NMT2: variants seen among roughly 807,000 people sequenced by gnomAD.
The protein encoded by NMT2 is N-myristoyltransferase 2, also known as glycylpeptide N-tetradecanoyltransferase 2.
NMT2 carries 35 observed loss-of-function variants against 65.4 expected under a neutral mutation model. The observed-to-expected ratio is 0.54, with a 90% CI of 0.41 to 0.71. The LOEUF (loss-of-function observed/expected upper bound fraction) is 0.71, where lower values mean the gene tolerates loss of function less well. Among genes scored for constraint, NMT2 ranks in the 30% least tolerant of loss-of-function variants. The probability of loss-of-function intolerance (pLI) is 0.00; values close to 1 mark genes in which losing one functional copy is unlikely to be tolerated. For synonymous variants in NMT2, 226 were observed against 231.8 expected (o/e 0.98, Z 0.23); for missense variants, 489 against 611.3 (o/e 0.80, Z 2.11).
intron 6 of NMT2, among the ~76,000 whole-genome samples, chr10:15,131,111 C>T (rs1003255938): frequency 4.6e-5 from 7 of 152,086 alleles, no homozygotes; most frequent in African/African-American, 7.2e-5. Flanking sequence ...TTCTTTAACA[C>T]AATATTTAAC....
intron 1 of NMT2, among the ~76,000 whole-genome samples, chr10:15,153,658 A>T (rs12268648): frequency 0.023 from 3,499 of 148,946 alleles, 90 homozygotes; most frequent in East Asian, 0.074. Flanking sequence ...ATTTTATTTT[A>T]TTTTTTTTTT....
chr10:15,125,347 G>A (rs1846041419), intron 8 of NMT2, among the ~76,000 whole-genome samples: 1 of 152,184 alleles, frequency 6.6e-6, no homozygotes, highest in South Asian at 2.1e-4. Flanking sequence ...CATAATACAC[G>A]CCTATACCCA....
At chr10:15,162,585 C>G (rs992531475) in intron 1 of NMT2, among the ~76,000 whole-genome samples, 1 of 151,802 alleles carries the variant, frequency 6.6e-6, no homozygotes, top group African/African-American at 2.4e-5. Flanking sequence ...TAAGAGTCAG[C>G]GAAACATACA....
At chr10:15,116,370 T>C (rs1487920240) in intron 9 of NMT2, among the ~76,000 whole-genome samples, 5 of 152,064 alleles carry the variant, frequency 3.3e-5, no homozygotes, top group Admixed American at 1.3e-4. Context: ...AAAAAATACA[T>C]AGACGTGAAT....
intron 9 of NMT2, among the ~76,000 whole-genome samples, chr10:15,115,900 A>C (rs1393331716): frequency 6.6e-6 from 1 of 152,234 alleles, no homozygotes; most frequent in Admixed American, 6.5e-5. Context: ...CCTAATATAC[A>C]TGTGAGTATC....
chr10:15,125,315 G>T (rs1004945654), intron 8 of NMT2, among the ~76,000 whole-genome samples: 2 of 152,242 alleles, frequency 1.3e-5, no homozygotes, highest in Non-Finnish European at 2.9e-5. Context: ...TTCACTGGAA[G>T]TAAGATGCCA....
At chr10:15,128,177 TCCAAACAAAC>T (rs1425315655) in intron 8 of NMT2, among the ~76,000 whole-genome samples, 163 bp downstream of exon 8, 3 of 152,224 alleles carry the variant, frequency 2.0e-5, no homozygotes, top group Non-Finnish European at 4.4e-5. Context: ...GATTGGCATT[TCCAAACAAAC>T]TCCCTACCTT....
chr10:15,120,301 T>C lies in NMT2; in HGVS notation c.1000-788A>G, dbSNP rs555874910. ...GATGAAACCCTGTCTCTACGAAAAA[T>C]GTAAAACTTAGCCAGGCGTGGTGAC... On this transcript the variant is annotated intron_variant, in intron 8 of 11. Coordinates refer to ENST00000378165, the MANE Select transcript of NMT2 (RefSeq NM_004808.3). Among the ~76,000 whole-genome samples the C allele has an allele frequency of 1.8e-4, 27 of 151,966 alleles. 1 individual carries two copies. In the South Asian group the frequency reaches 3.1e-3, roughly 18 times the overall value.
chr10:15,153,193 A>G (rs992064488), intron 1 of NMT2, among the ~76,000 whole-genome samples: 5 of 152,224 alleles, frequency 3.3e-5, no homozygotes, highest in Non-Finnish European at 7.3e-5. Context: ...CAGCAACTCC[A>G]GAGGATCACT....
At chr10:15,133,510 T>C in intron 3 of NMT2, 147 bp from the exon 4 acceptor site, 1 of 644,612 alleles carries the variant, frequency 1.6e-6, no homozygotes, top group South Asian at 1.8e-5. Flanking sequence ...AAAGATGCTG[T>C]TATATCAAGC....
chr10:15,147,095 CAAAAAAAAAAAAAAAAAAAAAAAAAAAAA>C (rs34668178), intron 1 of NMT2, among the ~76,000 whole-genome samples: 1 of 44,488 alleles, frequency 2.2e-5, no homozygotes, highest in African/African-American at 5.4e-5. Context: ...CTCTCGCTCT[CAAAAAAAAAAAAAAAAAAAAAAAAAAAAA>C]AAAAAAAAAA....
chr10:15,135,088 ACTAT>A, intron 3 of NMT2, among the ~76,000 whole-genome samples, 182 bp downstream of exon 3: 1 of 152,216 alleles, frequency 6.6e-6, no homozygotes, highest in Middle Eastern at 3.2e-3. Context: ...AGCCAATGTC[ACTAT>A]CTAATATTTA....
rs1324689116 is a variant in NMT2, at chr10:15,119,487, T to C, written c.1026A>G (p.Pro342=). ...PDVTKTSGLR[P]MEPKDIKSVR... ...CTGATTTGATATCTTTTGGTTCCAT[T>C]GGTCTCAAACCTGAAGTCTTTGTAA... is the stretch of plus-strand genomic sequence containing the variant. The change falls in exon 9 of 12, where the codon CCA becomes CCG. Residue 342 remains proline (P), a synonymous_variant. Transcript: ENST00000378165. The C allele has an allele frequency of 7.4e-6, 12 of 1,614,110 alleles. No individual in the cohort carries two copies. The highest frequency in any genetic ancestry group is 1.0e-5 in the Non-Finnish European group (12 of 1,180,028).
intron 2 of NMT2, among the ~76,000 whole-genome samples, chr10:15,139,371 C>T (rs986289833): frequency 3.3e-5 from 5 of 152,080 alleles, no homozygotes; most frequent in Middle Eastern, 3.4e-3. Flanking sequence ...GCCAAGAGTT[C>T]GCCACTGCCT....
chr10:15,113,032 C>G, intron 9 of NMT2, 69 bp from the exon 10 acceptor site: 3 of 1,461,140 alleles, frequency 2.1e-6, no homozygotes. Flanking sequence ...TCCACTAACT[C>G]TGTTCTCTCC....
chr10:15,138,266 C>A (rs970792512), intron 2 of NMT2: 3 of 437,416 alleles, frequency 6.9e-6, no homozygotes, highest in Non-Finnish European at 1.4e-5. Context: ...CCGCCTTGGC[C>A]TCCCAAAATG....
chr10:15,128,097 T>TA (rs1243026499), intron 8 of NMT2, among the ~76,000 whole-genome samples: 1 of 152,184 alleles, frequency 6.6e-6, no homozygotes, highest in Non-Finnish European at 1.5e-5. Context: ...TTTCAAAACT[T>TA]ACTTGCCTTG....
chr10:15,144,746 A>G (rs1469909504), intron 1 of NMT2, among the ~76,000 whole-genome samples: 1 of 152,148 alleles, frequency 6.6e-6, no homozygotes, highest in Non-Finnish European at 1.5e-5. Flanking sequence ...AAAAAAAGAA[A>G]GAGCCAGTGC....
chr10:15,119,309 A>G lies in NMT2; in HGVS notation c.1170+34T>C, dbSNP rs751849155. On this transcript the variant is annotated intron_variant, in intron 9 of 11. Transcript: ENST00000378165. Reference sequence around the variant, plus strand: ...CACGCTGAACACAAAGGGTGCTTCAAGGAGAAGCTTTATGTTTATCACCTT... The same window carrying G: ...CACGCTGAACACAAAGGGTGCTTCAGGGAGAAGCTTTATGTTTATCACCTT... The G allele has an allele frequency of 3.1e-6, 5 of 1,597,150 alleles. No individual in the cohort carries two copies. The South Asian group carries it at 4.4e-5, about 14-fold the overall frequency.
Sources: gnomAD v4.1 joint callset for allele counts (sites outside exome capture counted in the v4.1 genomes callset) on GRCh38, gnomAD v4.1.1 for gene constraint, MANE v1.5 for transcripts, NCBI Gene and HGNC (gene_info 2026-07-23, HGNC 2026-07-21) for gene names.